The following HLCS variants were observed in gnomAD, a reference collection of about 807,000 sequenced individuals.
HLCS encodes the protein biotin--protein ligase.
A neutral mutation model predicts 75.0 loss-of-function variants in HLCS; 53 were observed. The ratio of observed to expected loss-of-function variants is 0.71; its 90% CI spans 0.57 to 0.89. The LOEUF is 0.89. Ranked by LOEUF, HLCS falls within the 40% of genes least tolerant of loss-of-function variation. HLCS has a pLI of 0.00. For synonymous variants in HLCS, 431 were observed against 428.6 expected, an observed-to-expected ratio of 1.01 and a Z score of -0.07; for missense variants, 966 against 1,074.0, an observed-to-expected ratio of 0.90 and a Z score of 1.41.
chr21:36,798,168 G>A (rs1306148173), intron 6 of HLCS, among the ~76,000 whole-genome samples: 1 of 152,156 alleles, frequency 6.6e-6, no homozygotes. Context: ...GGCCCAACGA[G>A]GAGGCCCAGA....
At chr21:36,932,909 G>C (rs2066710441) in intron 4 of HLCS, among the ~76,000 whole-genome samples, 2 of 152,148 alleles carry the variant, frequency 1.3e-5, no homozygotes, top group South Asian at 4.1e-4. Context: ...TTTGAGGCCA[G>C]GAGTTTGAGA....
In HLCS at chr21:36,938,723, G is replaced by C. The variant is rs759003699; in HGVS notation, c.493+109C>G. 6 of 1,136,030 alleles carry C rather than the reference G, an allele frequency of 5.3e-6. 1 individual carries two copies. The highest frequency in any genetic ancestry group is 2.6e-4 in the Middle Eastern group (1 of 3,788). 70.4% of individuals were successfully genotyped at this position (1,136,030 alleles called of 1,614,324 possible). On this transcript the variant is annotated intron_variant, in intron 3 of 10. Transcript: ENST00000674895. ...GGTCTATGCTGCTCAGGCTGGTCTCGAACTCCTGGGCTCCAAGCGATCCTC... is the reference window on the plus strand; with the variant it reads ...GGTCTATGCTGCTCAGGCTGGTCTCCAACTCCTGGGCTCCAAGCGATCCTC...
At chr21:36,846,970 C>A (rs1423222954) in intron 6 of HLCS, among the ~76,000 whole-genome samples, 1 of 152,214 alleles carries the variant, frequency 6.6e-6, no homozygotes, top group Non-Finnish European at 1.5e-5. Context: ...ACAGCTCTCA[C>A]AATTTTTGTA....
At chr21:36,907,023 C>T (rs1371321041) in intron 5 of HLCS, among the ~76,000 whole-genome samples, 1 of 152,128 alleles carries the variant, frequency 6.6e-6, no homozygotes, top group Non-Finnish European at 1.5e-5. Context: ...CAACCTCCCA[C>T]CTTGGCCTGT....
At chr21:36,973,184 C>T (rs796803238) in intron 1 of HLCS, among the ~76,000 whole-genome samples, 25 of 149,140 alleles carry the variant, frequency 1.7e-4, no homozygotes, top group African/African-American at 6.2e-4. Flanking sequence ...GAGCTGTGAT[C>T]GCACCACTGG....
chr21:36,784,180 C>T (rs751885947), intron 6 of HLCS, among the ~76,000 whole-genome samples: 7 of 152,092 alleles, frequency 4.6e-5, no homozygotes, highest in East Asian at 1.9e-4. Context: ...GAAGCTACAC[C>T]GCAGAAGTGG....
At chr21:36,791,714 C>T (rs957850917) in intron 6 of HLCS, among the ~76,000 whole-genome samples, 1 of 151,874 alleles carries the variant, frequency 6.6e-6, no homozygotes, top group Non-Finnish European at 1.5e-5. Context: ...GAGGGTGGGC[C>T]CTCGAGGGCC....
intron 5 of HLCS, among the ~76,000 whole-genome samples, chr21:36,910,884 T>TAGCAGAA (rs2065676048): frequency 6.6e-6 from 1 of 151,426 alleles, no homozygotes; most frequent in Non-Finnish European, 1.5e-5. Context: ...CTTCCCACCC[T>TAGCAGAA]GTGTTCTGCC....
At chr21:36,805,633 A>T (rs1036874803) in intron 6 of HLCS, among the ~76,000 whole-genome samples, 1 of 152,192 alleles carries the variant, frequency 6.6e-6, no homozygotes, top group Non-Finnish European at 1.5e-5. Flanking sequence ...TCCCAAGTAG[A>T]TAAATGAAGT....
chr21:36,872,860 G>C (rs1262926344), intron 6 of HLCS, among the ~76,000 whole-genome samples: 2 of 152,148 alleles, frequency 1.3e-5, no homozygotes, highest in Non-Finnish European at 2.9e-5. Context: ...TGGGGTTACA[G>C]GGTAGGCATA....
Position 36,918,593 on chromosome 21 carries a change from C to T in HLCS, c.1620+11658G>A, listed in dbSNP as rs768949617. 5.9e-5 allele frequency among the ~76,000 whole-genome samples: 9 copies of T among 152,138 alleles called. 1 individual carries two copies. The highest frequency in any genetic ancestry group is 3.3e-4 in the Admixed American group (5 of 15,266). On this transcript the variant is annotated intron_variant, in intron 5 of 10. Transcript: ENST00000674895. Reference sequence around the variant, plus strand: ...AAGCATACAGAACAAAAATCAATACCGTCCCTGCTAAAGAGACCCAGGACT... The same window carrying T: ...AAGCATACAGAACAAAAATCAATACTGTCCCTGCTAAAGAGACCCAGGACT...
intron 5 of HLCS, among the ~76,000 whole-genome samples, chr21:36,915,620 G>A (rs1365678764): frequency 2.0e-5 from 3 of 152,204 alleles, no homozygotes; most frequent in Non-Finnish European, 4.4e-5. Context: ...CTCAGAAGGT[G>A]CATTCGTTCA....
At chr21:36,877,081 C>T (rs1601597865) in intron 6 of HLCS, among the ~76,000 whole-genome samples, 1 of 152,204 alleles carries the variant, frequency 6.6e-6, no homozygotes, top group African/African-American at 2.4e-5. Flanking sequence ...CCTCCTTAGG[C>T]TGTTAATGTG....
At position 36,906,897 on chromosome 21, in the gene HLCS, A is replaced by G. The variant is rs564120290; in HGVS notation, c.1621-9766T>C. ...AGGGTACAGAAATAGGGCCAAACAT[A>G]TAAGTGTGATTGATTTTTTTTAATT... On this transcript the variant is annotated intron_variant, in intron 5 of 10. Transcript: ENST00000674895. Among the ~76,000 whole-genome samples, 66 of 152,232 alleles carry G rather than the reference A, an allele frequency of 4.3e-4. 1 individual carries two copies. Among genetic ancestry groups the G allele is most frequent in the South Asian group, 6.2e-4 (3 of 4,820 alleles).
chr21:36,877,659 TA>T (rs1215587634), intron 6 of HLCS, among the ~76,000 whole-genome samples: 2 of 152,170 alleles, frequency 1.3e-5, no homozygotes, highest in Non-Finnish European at 2.9e-5. Flanking sequence ...ATTTTAAATT[TA>T]CCCAGATATT....
chr21:36,820,247 T>G (rs1189433776), intron 6 of HLCS, among the ~76,000 whole-genome samples: 1 of 152,160 alleles, frequency 6.6e-6, no homozygotes, highest in Non-Finnish European at 1.5e-5. Context: ...GGAGGAGGCA[T>G]GGTTGAGGCT....
At chr21:36,945,711 G>A (rs546459652) in intron 2 of HLCS, among the ~76,000 whole-genome samples, 2 of 152,314 alleles carry the variant, frequency 1.3e-5, no homozygotes, top group East Asian at 3.9e-4. Flanking sequence ...CTGGTGTGCT[G>A]AAAATGTTTT....
chr21:36,837,684 G>A (rs992101648), intron 6 of HLCS, among the ~76,000 whole-genome samples: 8 of 152,194 alleles, frequency 5.3e-5, no homozygotes, highest in African/African-American at 1.9e-4. Flanking sequence ...GGATTAGTAA[G>A]ATGCACAGTG....
intron 5 of HLCS, among the ~76,000 whole-genome samples, chr21:36,913,049 A>T (rs2065787785): frequency 6.6e-6 from 1 of 152,198 alleles, no homozygotes; most frequent in Admixed American, 6.5e-5. Context: ...ACTGCCAAGC[A>T]CTGCTGGGTG....
Sources: allele counts gnomAD v4.1 joint callset (sites outside exome capture counted in the v4.1 genomes callset), GRCh38; gene constraint gnomAD v4.1.1; transcripts MANE v1.5; gene names NCBI Gene and HGNC (gene_info 2026-07-23, HGNC 2026-07-21).